MIPOL1: variants seen among roughly 807,000 people sequenced by gnomAD.
The protein encoded by MIPOL1 is mirror-image polydactyly 1, also known as mirror-image polydactyly gene 1 protein.
MIPOL1 carries 57 observed loss-of-function variants against 60.9 expected under a neutral mutation model. The observed-to-expected ratio is 0.94, with a 90% CI of 0.76 to 1.17. The LOEUF (loss-of-function observed/expected upper bound fraction) is 1.17. Among genes scored for constraint, MIPOL1 ranks in the 50% most tolerant of loss-of-function variants. MIPOL1 has a pLI of 0.00. For synonymous variants in MIPOL1, 179 were observed against 168.8 expected, an observed-to-expected ratio of 1.06 and a Z score of -0.47; for missense variants, 551 against 511.6, an observed-to-expected ratio of 1.08 and a Z score of -0.74.
chr14:37,544,874 A>G (rs2095541827), intron 12 of MIPOL1, among the ~76,000 whole-genome samples: 1 of 152,220 alleles, frequency 6.6e-6, no homozygotes, highest in Admixed American at 6.5e-5. Flanking sequence ...ACAACATATA[A>G]GAGTTCTAAA....
intron 1 of MIPOL1, among the ~76,000 whole-genome samples, chr14:37,206,842 A>G (rs913326755): frequency 3.3e-5 from 5 of 152,276 alleles, no homozygotes; most frequent in African/African-American, 9.6e-5. Context: ...TGGCCCCTTC[A>G]TTTTGGCCAA....
intron 10 of MIPOL1, among the ~76,000 whole-genome samples, chr14:37,414,705 T>G (rs2093734568): frequency 2.0e-5 from 3 of 152,148 alleles, no homozygotes; most frequent in African/African-American, 7.2e-5. Flanking sequence ...ATTTGGTGTT[T>G]TGAAAAAGCC....
chr14:37,543,578 G>A (rs911762688), intron 12 of MIPOL1, among the ~76,000 whole-genome samples: 15 of 152,244 alleles, frequency 9.9e-5, no homozygotes, highest in African/African-American at 3.6e-4. Flanking sequence ...TGTCTGGCCT[G>A]ACATATTTTT....
intron 9 of MIPOL1, among the ~76,000 whole-genome samples, chr14:37,349,345 T>C (rs1252799894): frequency 6.6e-6 from 1 of 152,132 alleles, no homozygotes; most frequent in Non-Finnish European, 1.5e-5. Context: ...AAACAAATTA[T>C]GTGGCTTCTC....
chr14:37,272,078 T>C (rs2083337030), intron 6 of MIPOL1, among the ~76,000 whole-genome samples: 1 of 151,420 alleles, frequency 6.6e-6, no homozygotes, highest in Non-Finnish European at 1.5e-5. Flanking sequence ...TACTTTGTTA[T>C]ATTTCTCATT....
intron 12 of MIPOL1, among the ~76,000 whole-genome samples, chr14:37,540,017 A>C (rs566136482): frequency 6.6e-6 from 1 of 152,298 alleles, no homozygotes; most frequent in South Asian, 2.1e-4. Flanking sequence ...TGCTGCTGTC[A>C]TGTGAAGAAG....
At chr14:37,302,631 A>T (rs1377329969) in intron 7 of MIPOL1, among the ~76,000 whole-genome samples, 51 of 145,036 alleles carry the variant, frequency 3.5e-4, no homozygotes, top group Admixed American at 2.9e-3. Context: ...ACATTAAAAA[A>T]TCTTTTTTTT....
chr14:37,344,027 CT>C (rs971424938), intron 9 of MIPOL1, among the ~76,000 whole-genome samples: 5 of 152,090 alleles, frequency 3.3e-5, no homozygotes, highest in African/African-American at 4.8e-5. Flanking sequence ...ACATAACATT[CT>C]TTTCATCTAT....
chr14:37,409,822 T>C (rs909712775), intron 10 of MIPOL1, among the ~76,000 whole-genome samples: 2 of 152,058 alleles, frequency 1.3e-5, no homozygotes, highest in African/African-American at 2.4e-5. Flanking sequence ...TTAGAAGACA[T>C]ATAAGTTGGA....
At chr14:37,522,441 T>A (rs1343543392) in intron 12 of MIPOL1, among the ~76,000 whole-genome samples, 2 of 152,226 alleles carry the variant, frequency 1.3e-5, no homozygotes, top group Non-Finnish European at 2.9e-5. Context: ...TAAATATTAG[T>A]CTTTGCTAGT....
At chr14:37,200,042 A>T (rs1964976956) in intron 1 of MIPOL1, among the ~76,000 whole-genome samples, 1 of 152,212 alleles carries the variant, frequency 6.6e-6, no homozygotes, top group South Asian at 2.1e-4. Context: ...GTGACATAAC[A>T]TTGGGGTTTT....
Position 37,548,476 on chromosome 14 carries a change from C to G in MIPOL1, c.*1505C>G, listed in dbSNP as rs1029556652. The G allele has an allele frequency of 1.3e-5, 2 of 151,958 alleles. No homozygotes were observed. The highest frequency in any genetic ancestry group is 2.9e-5 in the Non-Finnish European group (2 of 67,868). The allele number at this position is 151,958 out of a possible 1,614,324, so 9.4% of individuals were successfully genotyped here. On this transcript the variant is annotated 3_prime_UTR_variant, in exon 13 of 13. Transcript: ENST00000684589. ...TAAAAATAAACTGATTTAATTTGCT[C>G]TATAGTCCTAAAGAGAATTATATCC...
chr14:37,359,302 G>C (rs925328193), intron 9 of MIPOL1, among the ~76,000 whole-genome samples: 3 of 152,302 alleles, frequency 2.0e-5, no homozygotes, highest in African/African-American at 7.2e-5. Context: ...GCTTAGGATT[G>C]TCTTGGCAAT....
chr14:37,545,954 T>C, intron 12 of MIPOL1: 1 of 272,142 alleles, frequency 3.7e-6, no homozygotes, highest in East Asian at 6.0e-5. Context: ...CTGCTAGGCA[T>C]GATATTTACT....
At chr14:37,283,070 T>A (rs962756548) in intron 6 of MIPOL1, among the ~76,000 whole-genome samples, 1 of 151,908 alleles carries the variant, frequency 6.6e-6, no homozygotes, top group African/African-American at 2.4e-5. Flanking sequence ...TTTGTTTGTT[T>A]GTTTGTTTGT....
In MIPOL1 at chr14:37,548,365, A is replaced by G. The variant is rs964334933; in HGVS notation, c.*1394A>G. ...ATCACAAAAGAATCATAATGCTAAC[A>G]AACTCTATTTCTTCCTTATTAAATC... On this transcript the variant is annotated 3_prime_UTR_variant, in exon 13 of 13. Transcript: ENST00000684589. 6 of 152,056 alleles carry G rather than the reference A, an allele frequency of 3.9e-5. No individual in the cohort carries two copies. The highest frequency in any genetic ancestry group is 1.4e-4 in the African/African-American group (6 of 41,452). The allele number at this position is 152,056 out of a possible 1,614,324, so 9.4% of individuals were successfully genotyped here. A position where few individuals can be genotyped will look rare whatever the true frequency, so the allele number is the denominator to read the frequency against.
chr14:37,264,491 C>T (rs1468624475), intron 3 of MIPOL1, among the ~76,000 whole-genome samples: 2 of 151,058 alleles, frequency 1.3e-5, no homozygotes, highest in African/African-American at 4.9e-5. Flanking sequence ...GGCATGGCAA[C>T]ACAGCACACA....
At chr14:37,277,581 G>T (rs966021488) in intron 6 of MIPOL1, 2 of 151,046 alleles carry the variant, frequency 1.3e-5, no homozygotes, top group African/African-American at 4.8e-5. Context: ...TTTAAAAAAT[G>T]CTTTTGATTC....
intron 12 of MIPOL1, among the ~76,000 whole-genome samples, chr14:37,523,819 G>C (rs1400414135): frequency 1.3e-5 from 2 of 152,050 alleles, no homozygotes; most frequent in Non-Finnish European, 2.9e-5. Flanking sequence ...AATATGATGA[G>C]GAAAAATTCC....
Sources: allele counts gnomAD v4.1 joint callset (sites outside exome capture counted in the v4.1 genomes callset), GRCh38; gene constraint gnomAD v4.1.1; transcripts MANE v1.5; gene names NCBI Gene and HGNC (gene_info 2026-07-23, HGNC 2026-07-21).